HECW2: variants seen among roughly 807,000 people sequenced by gnomAD.
HECW2 encodes the protein HECT, C2 and WW domain containing E3 ubiquitin protein ligase 2.
Under a neutral mutation model 175.2 loss-of-function variants are expected in HECW2, and 61 were observed. That is an observed-to-expected ratio of 0.35 (90% CI 0.28 to 0.43). The LOEUF is 0.43. Among genes scored for constraint, HECW2 ranks in the 20% least tolerant of loss-of-function variants. The pLI is 1.00. For missense variants in HECW2, 1,524 were observed against 2,000.5 expected, an observed-to-expected ratio of 0.76 and a Z score of 4.54; for synonymous variants, 671 against 731.0, an observed-to-expected ratio of 0.92 and a Z score of 1.32.
At chr2:196,418,295 A>AT (rs1165698896) in intron 2 of HECW2, among the ~76,000 whole-genome samples, 1 of 151,912 alleles carries the variant, frequency 6.6e-6, no homozygotes, top group Admixed American at 6.6e-5. Context: ...CACCCAGCTA[A>AT]TTTTTTGTAT....
intron 27 of HECW2, among the ~76,000 whole-genome samples, chr2:196,216,530 CAA>C (rs11295664): frequency 0.17 from 23,791 of 136,252 alleles, 4,301 homozygotes; most frequent in African/African-American, 0.47. Context: ...ACACCACACG[CAA>C]AAAAAAAAAA....
intron 6 of HECW2, among the ~76,000 whole-genome samples, chr2:196,323,857 T>C (rs1023509302): frequency 4.6e-5 from 7 of 151,944 alleles, no homozygotes; most frequent in African/African-American, 1.7e-4. Context: ...TTATTTCTTC[T>C]AGGCTTTGAA....
intron 1 of HECW2, among the ~76,000 whole-genome samples, chr2:196,574,217 G>A (rs770886459): frequency 3.3e-5 from 5 of 152,130 alleles, no homozygotes; most frequent in Non-Finnish European, 7.3e-5. Context: ...ATCACTTGAG[G>A]TCAGGAGTTC....
At chr2:196,334,109 T>A (rs577775449) in intron 4 of HECW2, among the ~76,000 whole-genome samples, 1 of 152,340 alleles carries the variant, frequency 6.6e-6, no homozygotes, top group East Asian at 1.9e-4. Flanking sequence ...CACTCTTTCC[T>A]ACCAACTGGT....
At chr2:196,243,171 C>CT (rs57767817) in intron 19 of HECW2, among the ~76,000 whole-genome samples, 32,982 of 142,118 alleles carry the variant, frequency 0.23, 4,401 homozygotes, top group East Asian at 0.44. Flanking sequence ...TTATTGGATT[C>CT]TTTTTTTTTT....
At chr2:196,554,128 G>A (rs1274929391) in intron 1 of HECW2, among the ~76,000 whole-genome samples, 1 of 152,046 alleles carries the variant, frequency 6.6e-6, no homozygotes, top group East Asian at 1.9e-4. Context: ...CACGAGGTCA[G>A]GAGATCGAGA....
At chr2:196,290,014 C>T (rs913445793) in intron 14 of HECW2, 1 of 152,178 alleles carries the variant, frequency 6.6e-6, no homozygotes, top group African/African-American at 2.4e-5. Context: ...AGAGAGAGAT[C>T]AGGCTAAAGT....
intron 1 of HECW2, among the ~76,000 whole-genome samples, chr2:196,457,333 A>G (rs931324215): frequency 2.0e-5 from 3 of 152,198 alleles, no homozygotes; most frequent in African/African-American, 7.2e-5. Flanking sequence ...TTCATTCTGG[A>G]CGACTTTTTC....
chr2:196,427,131 A>G (rs1695570841), intron 2 of HECW2, among the ~76,000 whole-genome samples: 1 of 57,204 alleles, frequency 1.7e-5, no homozygotes, highest in South Asian at 1.1e-3. Context: ...TTACATCAAG[A>G]AACTTCAGAT....
chr2:196,390,886 G>A lies in HECW2; in HGVS notation c.292+42246C>T, dbSNP rs1575492364. On this transcript the variant is annotated intron_variant, in intron 2 of 28. Coordinates refer to ENST00000644978, the MANE Select transcript of HECW2 (RefSeq NM_001348768.2). ...CTTTCTGTTTTGAGCTTTGCATATT[G>A]TCTAGGAAATTCTACATTGTGCGAG... Among the ~76,000 whole-genome samples the A allele has an allele frequency of 2.0e-5, 3 of 152,276 alleles. No individual in the cohort carries two copies. The East Asian group carries it at 5.8e-4, about 29-fold the overall frequency.
chr2:196,245,700 A>G (rs1688620383), intron 19 of HECW2, among the ~76,000 whole-genome samples: 1 of 152,252 alleles, frequency 6.6e-6, no homozygotes, highest in Admixed American at 6.5e-5. Context: ...ATGAATTTGT[A>G]CAAAACTGGC....
At position 196,327,136 on chromosome 2, in the gene HECW2, C is replaced by T. The variant is rs193279887; in HGVS notation, c.572-1987G>A. 2.2e-3 allele frequency among the ~76,000 whole-genome samples: 331 copies of T among 152,246 alleles called. 2 individuals carry two copies. Among genetic ancestry groups the T allele is most frequent in the South Asian group, 7.7e-3 (37 of 4,820 alleles). ...AGAGTAACATAGACAGAAATGAATG[C>T]CACAAGGTCTGACAGAGCTAAATCA... On this transcript the variant is annotated intron_variant, in intron 5 of 28. Coordinates refer to ENST00000644978, the MANE Select transcript of HECW2 (RefSeq NM_001348768.2).
At chr2:196,576,867 G>A (rs1040711268) in intron 1 of HECW2, among the ~76,000 whole-genome samples, 4 of 151,972 alleles carry the variant, frequency 2.6e-5, no homozygotes, top group African/African-American at 9.7e-5. Flanking sequence ...CTGGAAAAAG[G>A]TTTATTAGAA....
At chr2:196,549,306 T>TCCTCCAGGGAGGAGA (rs1198490467) in intron 1 of HECW2, among the ~76,000 whole-genome samples, 1 of 152,172 alleles carries the variant, frequency 6.6e-6, no homozygotes, top group Non-Finnish European at 1.5e-5. Flanking sequence ...CTCCCCTCCC[T>TCCTCCAGGGAGGAGA]CCTCCAGGAG....
intron 1 of HECW2, among the ~76,000 whole-genome samples, chr2:196,507,215 T>C (rs565939313): frequency 6.6e-6 from 1 of 151,806 alleles, no homozygotes; most frequent in Non-Finnish European, 1.5e-5. Context: ...CACACTAATA[T>C]GTGTATATTA....
chr2:196,373,964 G>A (rs1196217012), intron 2 of HECW2, among the ~76,000 whole-genome samples: 2 of 151,132 alleles, frequency 1.3e-5, no homozygotes, highest in African/African-American at 2.4e-5. Context: ...CCCGGGAGGC[G>A]GAGCTTGCAG....
chr2:196,238,455 CTTTCTTTA>C (rs71407877), intron 21 of HECW2: 81,661 of 139,598 alleles, frequency 0.58, 23,850 homozygotes, highest in Non-Finnish European at 0.66. Context: ...TTCTTTCTTT[CTTTCTTTA>C]TTTTTTTTAG....
intron 6 of HECW2, among the ~76,000 whole-genome samples, chr2:196,323,039 G>C (rs1353133045): frequency 1.3e-5 from 2 of 152,176 alleles, no homozygotes; most frequent in Non-Finnish European, 2.9e-5. Context: ...CTAATCTCAT[G>C]AAATTCTGAA....
chr2:196,523,017 C>A (rs559294831), intron 1 of HECW2, among the ~76,000 whole-genome samples: 5,654 of 149,512 alleles, frequency 0.038, 351 homozygotes, highest in African/African-American at 0.13. Flanking sequence ...CTGTGAAGAA[C>A]GTCATTGGTA....
Sources: gnomAD v4.1 joint callset for allele counts (sites outside exome capture counted in the v4.1 genomes callset) on GRCh38, gnomAD v4.1.1 for gene constraint, MANE v1.5 for transcripts, NCBI Gene and HGNC (gene_info 2026-07-23, HGNC 2026-07-21) for gene names.